The following C16orf96 variants were observed in gnomAD, a reference collection of about 807,000 sequenced individuals.
C16orf96 encodes the protein chromosome 16 open reading frame 96.
Under a neutral mutation model 103.6 loss-of-function variants are expected in C16orf96, and 108 were observed. That is an observed-to-expected ratio of 1.04 (90% CI 0.89 to 1.22). C16orf96 has a LOEUF of 1.22. C16orf96 is among the 50% of genes most tolerant of loss of function. The pLI is 0.00. For synonymous variants in C16orf96, 566 were observed against 593.5 expected (o/e 0.95, Z 0.67); for missense variants, 1,586 against 1,464.2 (o/e 1.08, Z -1.36).
chr16:4,587,494 C>T lies in C16orf96; in HGVS notation c.2427+381C>T, dbSNP rs1896953989. Among the ~76,000 whole-genome samples, 3 of 143,356 alleles carry T rather than the reference C, an allele frequency of 2.1e-5. No homozygotes were observed. In the South Asian group the frequency reaches 6.5e-4, roughly 31 times the overall value. The allele number at this position is 143,356 out of a possible 152,430, so 94.0% of individuals were successfully genotyped here. ...AGTGAACCAAGATCATGCCATTGCA[C>T]TCCAGCCTGGGCAACAAGAGCAAAA... is the stretch of plus-strand genomic sequence containing the variant. On this transcript the variant is annotated intron_variant, in intron 8 of 15. Transcript: ENST00000444310.
In C16orf96 at chr16:4,591,609, A is replaced by T. The variant is rs1197090201; in HGVS notation, c.2593-57A>T. 3 of 1,386,902 alleles carry T rather than the reference A, an allele frequency of 2.2e-6. No homozygotes were observed. The African/African-American group carries it at 4.3e-5, about 20-fold the overall frequency. 85.9% of individuals were successfully genotyped at this position (1,386,902 alleles called of 1,614,324 possible). A position where few individuals can be genotyped will look rare whatever the true frequency, so the allele number is the denominator to read the frequency against. ...GTTGCTGCAACCCTCTTCTGGAAGG[A>T]GGCAGGGTGTGAATTCATAGAGTAT... On this transcript the variant is annotated intron_variant, in intron 9 of 15. Coordinates refer to ENST00000444310, the MANE Select transcript of C16orf96 (RefSeq NM_001145011.2).
intron 10 of C16orf96, 99 bp from the exon 11 acceptor site, chr16:4,592,206 G>A (rs1213649106): frequency 1.4e-6 from 2 of 1,458,848 alleles, no homozygotes; most frequent in Non-Finnish European, 1.9e-6. Context: ...GCCGGGCACT[G>A]GCAGGAGGGA....
intron 7 of C16orf96, 74 bp downstream of exon 7, chr16:4,580,199 C>T (rs866083019): frequency 6.6e-6 from 8 of 1,212,652 alleles, no homozygotes; most frequent in African/African-American, 1.6e-5. Flanking sequence ...TGGCCCTTCC[C>T]GAAGGTTCTG....
chr16:4,580,224 G>A (rs185649418), intron 7 of C16orf96, 99 bp downstream of exon 7: 3 of 894,126 alleles, frequency 3.4e-6, no homozygotes, highest in African/African-American at 3.5e-5. Context: ...AGGTGGGGAT[G>A]CACTTGAGGC....
At chr16:4,541,724 G>C in the C16orf96 span, among the ~76,000 whole-genome samples, 1 of 152,194 alleles carries the variant, frequency 6.6e-6, no homozygotes, top group Non-Finnish European at 1.5e-5. Flanking sequence ...GCATTCCTCA[G>C]TGCAAGAAGG....
intron 9 of C16orf96, 29 bp from the exon 10 acceptor site, chr16:4,591,637 T>C (rs1292604592): frequency 6.6e-7 from 1 of 1,519,962 alleles, no homozygotes; most frequent in African/African-American, 1.4e-5. Flanking sequence ...TAGAGTATTC[T>C]TTCTTATCTT....
At position 4,576,636 on chromosome 16, in the gene C16orf96, G is replaced by A. The variant is rs1478992394; in HGVS notation, c.2155+1G>A. ...CTGAACCAGCGCTTGAGTTATCTAG[G>A]TAGGCCTGGTCTGGCCCTGGGAAGG... On this transcript the variant is annotated splice_donor_variant, in intron 5 of 15. Coordinates refer to ENST00000444310, the MANE Select transcript of C16orf96 (RefSeq NM_001145011.2). LOFTEE classifies it high-confidence loss of function. 6.5e-7 allele frequency: 1 copy of A among 1,548,588 alleles called. No homozygotes were observed. The highest frequency in any genetic ancestry group is 1.4e-5 in the African/African-American group (1 of 73,164).
Position 4,593,241 on chromosome 16 carries a change from G to A in C16orf96, c.2792G>A (p.Arg931His). The A allele has an allele frequency of 1.3e-6, 2 of 1,550,930 alleles. No individual in the cohort carries two copies. Among genetic ancestry groups the A allele is most frequent in the East Asian group, 2.4e-5 (1 of 40,878 alleles). ...MMTGPQLITI[R>H]KAHLLSRLRP... The stretch of plus-strand genomic sequence containing the variant: ...TCCAACAGACAGCTGATCACCATCC[G>A]CAAAGCCCACCTGCTGTCCCGGCTG... Residue 931 changes from arginine to histidine, a missense_variant, in exon 12 of 16, where the codon CGC becomes CAC. Transcript: ENST00000444310. The surrounding 1 kb of genome is among the most constrained non-coding windows in gnomAD (Gnocchi z 4.2).
chr16:4,549,246 G>A, the C16orf96 span, among the ~76,000 whole-genome samples: 57 of 152,140 alleles, frequency 3.7e-4, no homozygotes, highest in Admixed American at 8.5e-4. Flanking sequence ...AGGCCAAGGT[G>A]GGTGGATCAC....
intron 4 of C16orf96, 53 bp downstream of exon 4, chr16:4,575,111 GCTGA>G (rs2059485402): frequency 1.3e-6 from 2 of 1,549,124 alleles, no homozygotes; most frequent in Admixed American, 2.0e-5. Context: ...CAGGCGGGTG[GCTGA>G]CTGAGAGTGG....
At position 4,568,379 on chromosome 16, in the gene C16orf96, T is replaced by G. The variant is rs551372103; in HGVS notation, c.421-3182T>G. On this transcript the variant is annotated intron_variant, in intron 1 of 15. Transcript: ENST00000444310. ...TATTCTACCATTGTTGAGTGGGGTA[T>G]TCCGTAGATATCTGTTATGTCTAGT... 3.3e-5 allele frequency among the ~76,000 whole-genome samples: 5 copies of G among 152,334 alleles called. No homozygotes were observed. In the East Asian group the frequency reaches 7.7e-4, roughly 23 times the overall value.
rs1376093065 is a variant in C16orf96 at position 4,591,759 on chromosome 16, C to G, written c.2686C>G (p.Pro896Ala). Residue 896 changes from proline to alanine, a missense_variant, in exon 10 of 16, where the codon CCT becomes GCT. Pro to Ala is a conservative substitution (Grantham distance 27). Coordinates refer to ENST00000444310, the MANE Select transcript of C16orf96 (RefSeq NM_001145011.2). ...KLLIEGLRLD[P>A]DSAAGFRRKL... ...GCTGATTGAGGGCTTAAGACTGGAT[C>G]CTGACAGTGCTGCTGGCTTTAGGAG... 11 of 1,551,522 alleles carry G rather than the reference C, an allele frequency of 7.1e-6. No homozygotes were observed. In the East Asian group the frequency reaches 2.4e-4, roughly 34 times the overall value.
intron 1 of C16orf96, among the ~76,000 whole-genome samples, chr16:4,564,706 G>A (rs547890853): frequency 2.0e-5 from 3 of 152,136 alleles, no homozygotes; most frequent in Non-Finnish European, 4.4e-5. Context: ...AGCCACTCGA[G>A]AGGCTGAGGC....
chr16:4,542,414 A>G, the C16orf96 span, among the ~76,000 whole-genome samples: 2 of 152,198 alleles, frequency 1.3e-5, no homozygotes, highest in African/African-American at 4.8e-5. Context: ...CCCAGTAACC[A>G]CATTAAAAGT....
chr16:4,586,962 A>G, intron 7 of C16orf96, 77 bp from the exon 8 acceptor site: 1 of 1,312,302 alleles, frequency 7.6e-7, no homozygotes, highest in South Asian at 1.3e-5. Flanking sequence ...GCATATGGTA[A>G]TGGTAGAGGT....
chr16:4,546,450 G>T, the C16orf96 span, among the ~76,000 whole-genome samples: 2 of 134,930 alleles, frequency 1.5e-5, no homozygotes, highest in Non-Finnish European at 3.2e-5. Context: ...GAGCCACCGC[G>T]CCCGGACTTT....
chr16:4,572,047 A>G (rs1361058786), intron 2 of C16orf96, among the ~76,000 whole-genome samples: 2 of 151,644 alleles, frequency 1.3e-5, no homozygotes, highest in East Asian at 1.9e-4. Context: ...ACAGGGGTTC[A>G]TCTTGTTGGC....
In C16orf96 at chr16:4,578,951, G is replaced by C; in HGVS notation, c.2167G>C (p.Gly723Arg). ...QRLSYLANMG[G>R]PSSLGTTVDI... ...TCCTCTGCTTTCAGCCAATATGGGA[G>C]GTCCTTCCAGCCTCGGGACAACAGT... The change falls in exon 6 of 16, where the codon GGT becomes CGT. Residue 723 changes from glycine to arginine, a missense_variant. Coordinates refer to ENST00000444310, the MANE Select transcript of C16orf96 (RefSeq NM_001145011.2). 1 of 1,551,330 alleles carries C rather than the reference G, an allele frequency of 6.4e-7. No homozygotes were observed. The highest frequency in any genetic ancestry group is 8.7e-7 in the Non-Finnish European group (1 of 1,146,890).
At chr16:4,572,264 C>A (rs1201939041) in intron 2 of C16orf96, among the ~76,000 whole-genome samples, 1 of 151,368 alleles carries the variant, frequency 6.6e-6, no homozygotes, top group Non-Finnish European at 1.5e-5. Context: ...CTAAAAGGTC[C>A]AGGGACGGCC....
Sources: gnomAD v4.1 joint callset for allele counts (sites outside exome capture counted in the v4.1 genomes callset) on GRCh38, gnomAD v4.1.1 for gene constraint, Gnocchi (gnomAD v3.1) non-coding constraint, MANE v1.5 for transcripts, NCBI Gene and HGNC (gene_info 2026-07-23, HGNC 2026-07-21) for gene names.